Variants in TMEM232 observed in about 807,000 individuals in gnomAD.
TMEM232 encodes transmembrane protein 232.
In TMEM232, 80 loss-of-function variants were observed where a neutral mutation model predicts 78.8. The observed-to-expected ratio is 1.01, with a 90% CI of 0.85 to 1.22. TMEM232 has a LOEUF of 1.22. Among genes scored for constraint, TMEM232 ranks in the 50% most tolerant of loss-of-function variants. The pLI is 0.00. For missense variants in TMEM232, 881 were observed against 742.2 expected (o/e 1.19, Z -2.17); for synonymous variants, 297 against 254.3 (o/e 1.17, Z -1.60).
chr5:110,619,707 A>G (rs1179767153), intron 7 of TMEM232, among the ~76,000 whole-genome samples: 1 of 152,180 alleles, frequency 6.6e-6, no homozygotes, highest in Non-Finnish European at 1.5e-5. Context: ...CCAAAACTGG[A>G]ACCCATATAA....
At chr5:110,659,661 A>T (rs149648492) in intron 2 of TMEM232, among the ~76,000 whole-genome samples, 2 of 152,190 alleles carry the variant, frequency 1.3e-5, no homozygotes, top group African/African-American at 4.8e-5. Flanking sequence ...GACACATATT[A>T]TAAAATTATC....
chr5:110,628,870 C>T (rs1400799595), intron 5 of TMEM232: 1 of 151,960 alleles, frequency 6.6e-6, no homozygotes, highest in Non-Finnish European at 1.5e-5. Context: ...TGTATTGCTC[C>T]AAAAGCCATG....
chr5:110,464,135 C>T (rs1761828562), intron 12 of TMEM232, among the ~76,000 whole-genome samples: 2 of 152,182 alleles, frequency 1.3e-5, no homozygotes, highest in African/African-American at 4.8e-5. Context: ...ACCGAAGTTA[C>T]ACATTTGTTG....
chr5:110,663,729 ATGTG>A (rs368788337), intron 2 of TMEM232, among the ~76,000 whole-genome samples: 4 of 147,620 alleles, frequency 2.7e-5, no homozygotes, highest in Non-Finnish European at 6.0e-5. Context: ...GGGGAAGGAA[ATGTG>A]TGTGTGTGTG....
intron 2 of TMEM232, among the ~76,000 whole-genome samples, chr5:110,400,532 C>T (rs1360158962): frequency 6.6e-6 from 1 of 151,806 alleles, no homozygotes; most frequent in Admixed American, 6.6e-5. Flanking sequence ...AAATATAAGA[C>T]ATACATCAGA....
chr5:110,493,771 T>C (rs1765361006), intron 12 of TMEM232, among the ~76,000 whole-genome samples: 1 of 151,526 alleles, frequency 6.6e-6, no homozygotes, highest in Non-Finnish European at 1.5e-5. Flanking sequence ...GATTGCTTAA[T>C]TGTGCCAAAT....
In TMEM232 at chr5:110,618,471, T is replaced by G; in HGVS notation, c.860A>C (p.Glu287Ala). The change falls in exon 8 of 14, where the codon GAA becomes GCA. Residue 287 changes from glutamate to alanine, a missense_variant. By Grantham distance (107) the Glu-to-Ala change is moderately radical. Coordinates refer to ENST00000455884, the MANE Select transcript of TMEM232 (RefSeq NM_001039763.4). ...NNSPQLNNVL[E>A]HLVFHKTQLQ... ...CTGTGTCTTATGGAAGACGAGATGT[T>G]CAAGCACGTTATTCAACTGAGGACT... 6.4e-7 allele frequency: 1 copy of G among 1,551,598 alleles called. No homozygotes were observed.
chr5:110,617,139 G>A (rs1045448104), intron 8 of TMEM232, among the ~76,000 whole-genome samples: 8 of 152,300 alleles, frequency 5.3e-5, no homozygotes, highest in Non-Finnish European at 8.8e-5. Context: ...AATGGACATC[G>A]AGGCATTATG....
intron 3 of TMEM232, among the ~76,000 whole-genome samples, chr5:110,397,434 C>T (rs1280323708): frequency 6.6e-6 from 1 of 152,086 alleles, no homozygotes; most frequent in African/African-American, 2.4e-5. Flanking sequence ...TGTTTCTTTT[C>T]TTTGTGTATT....
chr5:110,504,000 C>A (rs904802833), intron 12 of TMEM232, among the ~76,000 whole-genome samples: 3 of 152,138 alleles, frequency 2.0e-5, no homozygotes, highest in African/African-American at 7.2e-5. Context: ...CAAAATCAGA[C>A]AATGTATTCC....
chr5:110,682,437 C>G (rs574163257), intron 1 of TMEM232, among the ~76,000 whole-genome samples: 88 of 152,124 alleles, frequency 5.8e-4, no homozygotes, highest in Non-Finnish European at 7.2e-4. Flanking sequence ...GGACCCAGCT[C>G]TCTGCTTGCT....
At chr5:110,538,568 C>T (rs761714253) in intron 11 of TMEM232, among the ~76,000 whole-genome samples, 53 of 152,156 alleles carry the variant, frequency 3.5e-4, no homozygotes, top group Non-Finnish European at 6.0e-4. Flanking sequence ...GTACTAAGCC[C>T]TCACCAGGCC....
chr5:110,505,118 G>A (rs1580974991), intron 12 of TMEM232, among the ~76,000 whole-genome samples: 2 of 152,158 alleles, frequency 1.3e-5, no homozygotes, highest in African/African-American at 4.8e-5. Flanking sequence ...GACATCTTGA[G>A]TTCTTATACT....
At position 110,606,275 on chromosome 5, in the gene TMEM232, T is replaced by C. The variant is rs1193953139; in HGVS notation, c.915A>G (p.Val305=). The part of the protein sequence containing the change: ...QLQKKCWLDS[V]LALLVLGEAA... Reference sequence around the variant, plus strand: ...CCTCCCCAAGGACCAGTAAAGCCAGTACTGAATCCAACCTGAAAATTTTAT... The same window carrying C: ...CCTCCCCAAGGACCAGTAAAGCCAGCACTGAATCCAACCTGAAAATTTTAT... The change falls in exon 9 of 14, where the codon GTA becomes GTG. Residue 305 remains valine, a synonymous_variant. Coordinates refer to ENST00000455884, the MANE Select transcript of TMEM232 (RefSeq NM_001039763.4). 2.6e-6 allele frequency: 4 copies of C among 1,530,168 alleles called. No individual in the cohort carries two copies. In the African/African-American group the frequency reaches 4.1e-5, roughly 16 times the overall value. The allele number at this position is 1,530,168 out of a possible 1,614,324, so 94.8% of individuals were successfully genotyped here. A position where few individuals can be genotyped will look rare whatever the true frequency, so the allele number is the denominator to read the frequency against.
At chr5:110,588,139 G>T (rs1022540537) in intron 10 of TMEM232, among the ~76,000 whole-genome samples, 4 of 151,940 alleles carry the variant, frequency 2.6e-5, no homozygotes, top group Non-Finnish European at 5.9e-5. Context: ...AGAAATTATT[G>T]CTCTGTGCTA....
At chr5:110,638,535 T>A (rs533911951) in intron 4 of TMEM232, among the ~76,000 whole-genome samples, 180 bp from the exon 5 acceptor site, 8 of 152,322 alleles carry the variant, frequency 5.3e-5, no homozygotes, top group Admixed American at 4.6e-4. Context: ...GCTCTTCTCC[T>A]TAAACTTGAG....
chr5:110,625,122 C>T (rs1049828246), intron 7 of TMEM232, 145 bp downstream of exon 7: 13 of 810,680 alleles, frequency 1.6e-5, no homozygotes, highest in East Asian at 3.3e-5. Context: ...GCATGAAATT[C>T]GTATCTTTGC....
upstream of TMEM232, among the ~76,000 whole-genome samples, chr5:110,727,859 T>G (rs1027999721): frequency 1.3e-5 from 2 of 152,178 alleles, no homozygotes; most frequent in Non-Finnish European, 2.9e-5. Context: ...TGACAAAGAC[T>G]ATAAACTACA....
At chr5:110,641,144 T>A (rs2150016327) in intron 3 of TMEM232, 148 bp from the exon 4 acceptor site, 2 of 466,702 alleles carry the variant, frequency 4.3e-6, no homozygotes. Context: ...TATTTTTGCT[T>A]TTATTACTCA....
Sources: gnomAD v4.1 joint callset for allele counts (sites outside exome capture counted in the v4.1 genomes callset) on GRCh38, gnomAD v4.1.1 for gene constraint, MANE v1.5 for transcripts, NCBI Gene and HGNC (gene_info 2026-07-23, HGNC 2026-07-21) for gene names.